PSD3: variants seen among roughly 807,000 people sequenced by gnomAD.
PSD3 encodes PH and SEC7 domain-containing protein 3.
Under a neutral mutation model 105.5 loss-of-function variants are expected in PSD3, and 49 were observed. The ratio of observed to expected loss-of-function variants is 0.46; its 90% CI spans 0.37 to 0.59. The LOEUF is 0.59. PSD3 is among the 20% of genes least tolerant of loss of function. The pLI, the probability that PSD3 is intolerant of heterozygous loss-of-function variation, is 0.00. For synonymous variants in PSD3, 557 were observed against 457.8 expected (o/e 1.22, Z -2.77); for missense variants, 1,561 against 1,263.8 (o/e 1.24, Z -3.57).
intron 2 of PSD3, among the ~76,000 whole-genome samples, chr8:18,911,416 G>C (rs1820214152): frequency 6.6e-6 from 1 of 152,160 alleles, no homozygotes; most frequent in South Asian, 2.1e-4. Context: ...TGGAGAGACA[G>C]CCTTGATGTC....
chr8:18,817,213 C>T (rs535427615), intron 4 of PSD3, among the ~76,000 whole-genome samples: 1 of 152,302 alleles, frequency 6.6e-6, no homozygotes, highest in Admixed American at 6.5e-5. Flanking sequence ...CTTCCACAAT[C>T]GGAGAAGGTA....
chr8:18,966,255 C>T (rs1177708148), intron 1 of PSD3, among the ~76,000 whole-genome samples: 1 of 152,110 alleles, frequency 6.6e-6, no homozygotes, highest in Non-Finnish European at 1.5e-5. Flanking sequence ...GTTTCCACAC[C>T]TATACTAGGC....
intron 1 of PSD3, among the ~76,000 whole-genome samples, chr8:19,044,290 A>G (rs983941025): frequency 1.3e-5 from 2 of 152,106 alleles, no homozygotes; most frequent in African/African-American, 4.8e-5. Flanking sequence ...TTTTCTCCTC[A>G]ATCCACGCTA....
intron 1 of PSD3, among the ~76,000 whole-genome samples, chr8:19,052,559 G>A (rs534213907): frequency 1.3e-5 from 2 of 152,290 alleles, no homozygotes; most frequent in East Asian, 3.9e-4. Flanking sequence ...GTTTAGTCTG[G>A]AAACTGTTTC....
At position 18,552,362 on chromosome 8, in the gene PSD3, T is replaced by C. The variant is rs990928936; in HGVS notation, c.2928+3847A>G. ...CATCTTAAATGTTGCAGGAAAAATA[T>C]CTTGAAATAAAAAGCGTCATCTCCT... On this transcript the variant is annotated intron_variant, in intron 15 of 15. Transcript: ENST00000327040. 2.0e-5 allele frequency among the ~76,000 whole-genome samples: 3 copies of C among 152,256 alleles called. No homozygotes were observed. The East Asian group carries it at 5.8e-4, about 29-fold the overall frequency.
chr8:18,702,644 G>A (rs183041382), intron 9 of PSD3, among the ~76,000 whole-genome samples: 5 of 151,160 alleles, frequency 3.3e-5, no homozygotes, highest in Admixed American at 6.6e-5. Flanking sequence ...ATGGAATCTC[G>A]CTCTGTTGCC....
At chr8:18,621,457 CA>C in intron 11 of PSD3, among the ~76,000 whole-genome samples, 1 of 152,336 alleles carries the variant, frequency 6.6e-6, no homozygotes, top group South Asian at 2.1e-4. Flanking sequence ...GGACCTCTTT[CA>C]ACCGACTTTA....
chr8:18,677,428 A>C (rs748588784), intron 9 of PSD3, among the ~76,000 whole-genome samples: 1 of 152,184 alleles, frequency 6.6e-6, no homozygotes, highest in Non-Finnish European at 1.5e-5. Context: ...AAATAAAAAA[A>C]AAATAGCTGG....
At chr8:18,652,222 T>C (rs1225908411) in intron 10 of PSD3, among the ~76,000 whole-genome samples, 6 of 152,056 alleles carry the variant, frequency 3.9e-5, no homozygotes, top group Non-Finnish European at 7.4e-5. Context: ...AAACACTGAA[T>C]TGAAACTTGG....
intron 10 of PSD3, among the ~76,000 whole-genome samples, chr8:18,638,970 CAGGTGCCATGGCATTG>C (rs1006698478): frequency 2.6e-5 from 4 of 152,208 alleles, no homozygotes; most frequent in African/African-American, 9.6e-5. Flanking sequence ...ACTACAGAAT[CAGGTGCCATGGCATTG>C]ACCACTGCCC....
chr8:19,012,952 A>C (rs973294374), intron 1 of PSD3, among the ~76,000 whole-genome samples: 1 of 152,162 alleles, frequency 6.6e-6, no homozygotes, highest in African/African-American at 2.4e-5. Flanking sequence ...CGAAACATTT[A>C]TTATTTAGGT....
chr8:18,545,628 C>G (rs138752885), intron 15 of PSD3, among the ~76,000 whole-genome samples: 70 of 152,240 alleles, frequency 4.6e-4, no homozygotes, highest in African/African-American at 1.6e-3. Context: ...TAAGTTTTTC[C>G]CTATGTAATT....
intron 9 of PSD3, among the ~76,000 whole-genome samples, chr8:18,752,612 CATATAATATATATTATATATAATAT>C (rs1224092951): frequency 1.9e-5 from 1 of 51,598 alleles, no homozygotes; most frequent in East Asian, 4.8e-4. Flanking sequence ...ATATATAATA[CATATAATATATATTATATATAATAT>C]ATATAATATA....
chr8:18,608,768 A>C (rs1278976288), intron 11 of PSD3, among the ~76,000 whole-genome samples: 2 of 152,160 alleles, frequency 1.3e-5, no homozygotes, highest in African/African-American at 4.8e-5. Context: ...TATGCCAGAA[A>C]AGTTTTTTTT....
intron 8 of PSD3, among the ~76,000 whole-genome samples, chr8:18,781,078 C>T (rs191474777): frequency 2.0e-5 from 3 of 152,182 alleles, no homozygotes; most frequent in African/African-American, 7.2e-5. Flanking sequence ...CTTTTCACCA[C>T]TTTGGAGTTA....
intron 9 of PSD3, among the ~76,000 whole-genome samples, chr8:18,763,271 G>A (rs897712352): frequency 2.6e-5 from 4 of 151,848 alleles, no homozygotes; most frequent in Non-Finnish European, 4.4e-5. Flanking sequence ...ATGATTATGA[G>A]GAAACCTAAT....
intron 4 of PSD3, among the ~76,000 whole-genome samples, chr8:18,829,586 C>T (rs76841495): frequency 0.038 from 5,744 of 152,244 alleles, 231 homozygotes; most frequent in African/African-American, 0.099. Context: ...GTCTTTGGCT[C>T]ATGTTATTGT....
At chr8:18,994,325 T>C (rs1825950848) in intron 1 of PSD3, among the ~76,000 whole-genome samples, 2 of 152,118 alleles carry the variant, frequency 1.3e-5, no homozygotes, top group Admixed American at 6.6e-5. Flanking sequence ...TTCTGAAACA[T>C]CCATTTGTTT....
chr8:18,804,638 G>T (rs369938743), intron 5 of PSD3, 36 bp from the exon 6 acceptor site: 48 of 1,611,006 alleles, frequency 3.0e-5, no homozygotes, highest in Non-Finnish European at 3.7e-5. Context: ...TTATTGAAAG[G>T]TAAACTATTT....
Sources: allele counts gnomAD v4.1 joint callset (sites outside exome capture counted in the v4.1 genomes callset), GRCh38; gene constraint gnomAD v4.1.1; transcripts MANE v1.5; gene names NCBI Gene and HGNC (gene_info 2026-07-23, HGNC 2026-07-21).